The following SRFBP1 variants were observed in gnomAD, a reference collection of about 807,000 sequenced individuals.
SRFBP1 encodes serum response factor-binding protein 1.
A neutral mutation model predicts 45.5 loss-of-function variants in SRFBP1; 47 were observed. The observed-to-expected ratio is 1.03, with a 90% CI of 0.82 to 1.32. SRFBP1 has a LOEUF of 1.32. Ranked by LOEUF, SRFBP1 falls within the 40% of genes most tolerant of loss-of-function variation. The pLI is 0.00. For missense variants in SRFBP1, 621 were observed against 484.6 expected, an observed-to-expected ratio of 1.28 and a Z score of -2.64; for synonymous variants, 203 against 166.3, an observed-to-expected ratio of 1.22 and a Z score of -1.70.
intron 2 of SRFBP1, among the ~76,000 whole-genome samples, chr5:122,053,544 G>A (rs1288316196): frequency 2.0e-5 from 3 of 151,998 alleles, no homozygotes; most frequent in South Asian, 2.1e-4. Context: ...AGTGGCAGGG[G>A]TGGGTGGGCT....
intron 3 of SRFBP1, among the ~76,000 whole-genome samples, chr5:121,992,247 G>A (rs1752635028): frequency 6.6e-6 from 1 of 151,960 alleles, no homozygotes; most frequent in Admixed American, 6.6e-5. Flanking sequence ...TGCCTTTTCA[G>A]CTTCTGTAGG....
intron 3 of SRFBP1, among the ~76,000 whole-genome samples, chr5:121,986,966 A>G (rs1205622925): frequency 6.6e-6 from 1 of 152,114 alleles, no homozygotes; most frequent in African/African-American, 2.4e-5. Flanking sequence ...AAATTAGAGC[A>G]GTTAGAGCAG....
rs192182535 is a variant in SRFBP1, at chr5:122,040,636, C to T, written n.311+18229C>T. On this transcript the variant is annotated intron_variant and non_coding_transcript_variant, in intron 2 of 2. Transcript: ENST00000504881. Reference sequence around the variant, plus strand: ...ACACCAACAAACAAGCAATTTAGCTCGTATTTGAAATAGGTGTGAATTAGT... The same window carrying T: ...ACACCAACAAACAAGCAATTTAGCTTGTATTTGAAATAGGTGTGAATTAGT... 4.6e-5 allele frequency among the ~76,000 whole-genome samples: 7 copies of T among 152,144 alleles called. No homozygotes were observed. In the East Asian group the frequency reaches 1.2e-3, roughly 25 times the overall value.
chr5:122,060,897 C>A (rs906459912), intron 2 of SRFBP1, among the ~76,000 whole-genome samples: 3 of 152,088 alleles, frequency 2.0e-5, no homozygotes, highest in Non-Finnish European at 4.4e-5. Flanking sequence ...ATATGCCTGT[C>A]GGCAGAAACC....
At chr5:122,077,481 C>G, downstream of SRFBP1, 1 of 1,613,980 alleles carries the variant, frequency 6.2e-7, no homozygotes, top group Non-Finnish European at 8.5e-7. The surrounding 1 kb of genome is among the most constrained non-coding windows in gnomAD (Gnocchi z 4.9). Context: ...TAAGGGTCGT[C>G]GCCCACCATG....
At chr5:122,076,911 T>C, downstream of SRFBP1, 1 of 1,614,032 alleles carries the variant, frequency 6.2e-7, no homozygotes, top group Admixed American at 1.7e-5. Flanking sequence ...ACAGTTTTCC[T>C]CCGCCGCGCA....
chr5:121,989,655 A>T (rs1415268765), intron 3 of SRFBP1, among the ~76,000 whole-genome samples: 1 of 152,188 alleles, frequency 6.6e-6, no homozygotes, highest in African/African-American at 2.4e-5. Context: ...TCCATTTGGC[A>T]TGAAACCTTT....
At chr5:122,037,809 T>G (rs565030711) in intron 2 of SRFBP1, among the ~76,000 whole-genome samples, 2 of 152,320 alleles carry the variant, frequency 1.3e-5, no homozygotes, top group South Asian at 4.1e-4. Context: ...TGAGCCACAG[T>G]GCTTGGCCTG....
intron 3 of SRFBP1, among the ~76,000 whole-genome samples, chr5:121,981,929 G>A (rs750068913): frequency 1.1e-4 from 17 of 151,726 alleles, no homozygotes; most frequent in Non-Finnish European, 1.8e-4. Flanking sequence ...CATAGTGAAC[G>A]CTGCTTGGCT....
intron 2 of SRFBP1, among the ~76,000 whole-genome samples, chr5:122,055,975 G>A (rs1465270386): frequency 6.6e-6 from 1 of 152,074 alleles, no homozygotes; most frequent in Non-Finnish European, 1.5e-5. Flanking sequence ...TTTATTTAAG[G>A]TATCCAAATT....
Position 121,974,238 on chromosome 5 carries a change from G to C in SRFBP1, c.79G>C (p.Val27Leu). The C allele has an allele frequency of 6.2e-7, 1 of 1,611,506 alleles. No homozygotes were observed. The highest frequency in any genetic ancestry group is 8.5e-7 in the Non-Finnish European group (1 of 1,178,198). Residue 27 changes from valine to leucine, a missense_variant, in exon 2 of 8, where the codon GTT becomes CTT. Coordinates refer to ENST00000339397, the MANE Select transcript of SRFBP1 (RefSeq NM_152546.3). ...AGAAGTGAAGAGAATTCGAGTTTTA[G>C]TTATCCGAAAACTTGTCAGGAGTGT... is the stretch of plus-strand genomic sequence containing the variant. Reference protein sequence around the residue: ...RKEVKRIRVLVIRKLVRSVGR... With the variant: ...RKEVKRIRVLLIRKLVRSVGR...
intron 1 of SRFBP1, among the ~76,000 whole-genome samples, chr5:121,965,447 A>C (rs927166933): frequency 1.3e-5 from 2 of 152,206 alleles, no homozygotes; most frequent in African/African-American, 4.8e-5. Flanking sequence ...TAAATAGGGA[A>C]TCATTTCCCC....
chr5:122,048,529 G>A (rs1226305500), intron 2 of SRFBP1, among the ~76,000 whole-genome samples: 1 of 152,172 alleles, frequency 6.6e-6, no homozygotes, highest in Non-Finnish European at 1.5e-5. Flanking sequence ...GTCTGTGTCA[G>A]GCTTTGGTAT....
At chr5:122,047,868 A>G (rs1753894069) in intron 2 of SRFBP1, among the ~76,000 whole-genome samples, 1 of 152,184 alleles carries the variant, frequency 6.6e-6, no homozygotes, top group South Asian at 2.1e-4. Context: ...GTGTATAAGA[A>G]TGCTTGTGAT....
chr5:122,038,733 CT>C (rs1753729026), intron 2 of SRFBP1, among the ~76,000 whole-genome samples: 1 of 152,182 alleles, frequency 6.6e-6, no homozygotes, highest in African/African-American at 2.4e-5. Context: ...TTAAGAGATG[CT>C]ACCAATGTAT....
At chr5:121,984,281 T>TC (rs1752473439) in intron 3 of SRFBP1, among the ~76,000 whole-genome samples, 1 of 151,834 alleles carries the variant, frequency 6.6e-6, no homozygotes, top group Non-Finnish European at 1.5e-5. Context: ...TTTTTATTGT[T>TC]CCCACCAACT....
At chr5:122,025,828 C>A (rs1043438417) in intron 7 of SRFBP1, among the ~76,000 whole-genome samples, 3 of 152,144 alleles carry the variant, frequency 2.0e-5, no homozygotes, top group Non-Finnish European at 2.9e-5. Flanking sequence ...AGGCCGAGCA[C>A]GGTGGCTCAT....
chr5:121,973,482 A>G (rs1451026191), intron 1 of SRFBP1, among the ~76,000 whole-genome samples: 1 of 151,786 alleles, frequency 6.6e-6, no homozygotes, highest in Non-Finnish European at 1.5e-5. Flanking sequence ...GAAAGCTGTT[A>G]TAATGTGTAT....
At chr5:122,019,227 T>C in intron 4 of SRFBP1, 33 bp from the exon 5 acceptor site, 1 of 1,548,688 alleles carries the variant, frequency 6.5e-7, no homozygotes, top group South Asian at 1.1e-5. Flanking sequence ...TTTATTTCAT[T>C]CCCATACGTT....
Sources: allele counts gnomAD v4.1 joint callset (sites outside exome capture counted in the v4.1 genomes callset), GRCh38; gene constraint gnomAD v4.1.1; non-coding constraint Gnocchi (gnomAD v3.1); transcripts MANE v1.5; gene names NCBI Gene and HGNC (gene_info 2026-07-23, HGNC 2026-07-21).